Variants in CROCC2 observed in about 807,000 individuals in gnomAD.
The protein encoded by CROCC2 is ciliary rootlet coiled-coil, rootletin family member 2, also known as ciliary rootlet coiled-coil protein 2.
A neutral mutation model predicts 177.6 loss-of-function variants in CROCC2; 163 were observed. The ratio of observed to expected loss-of-function variants is 0.92; its 90% confidence interval spans 0.81 to 1.05. CROCC2 has a LOEUF of 1.05. CROCC2 is among the 50% of genes least tolerant of loss of function. The probability of loss-of-function intolerance (pLI) is 0.00; values close to 1 mark genes in which losing one functional copy is unlikely to be tolerated. For synonymous variants in CROCC2, 904 were observed against 787.3 expected (o/e 1.15, Z -2.48); for missense variants, 1,929 against 1,797.8 (o/e 1.07, Z -1.32).
rs987492278 is a variant in CROCC2 at position 240,917,094 on chromosome 2, C to T, written c.79-1632C>T. On this transcript the variant is annotated intron_variant, in intron 1 of 31. Transcript: ENST00000690015. This position sits in a 1 kb window ranked among gnomAD's most constrained non-coding sequence, Gnocchi z 4.9. ...GCAATGGGGGAACCTGCAGTGAAGG[C>T]GCCTCCCAAGACCTCCCAGGGGACT... 6.6e-6 allele frequency among the ~76,000 whole-genome samples: 1 copy of T among 152,134 alleles called. No individual in the cohort carries two copies. The highest frequency in any genetic ancestry group is 2.4e-5 in the African/African-American group (1 of 41,438).
chr2:240,907,495 G>A (rs1004629714), intron 1 of CROCC2, among the ~76,000 whole-genome samples: 2 of 152,126 alleles, frequency 1.3e-5, no homozygotes, highest in African/African-American at 4.8e-5. Flanking sequence ...CCAGCTCTTA[G>A]CATCTCAAAA....
At chr2:240,951,907 A>C (rs1375023828) in intron 18 of CROCC2, among the ~76,000 whole-genome samples, 1 of 152,222 alleles carries the variant, frequency 6.6e-6, no homozygotes, top group Non-Finnish European at 1.5e-5. Context: ...GTTGAGACTC[A>C]GCCACTAGCC....
chr2:240,934,675 G>A (rs112097619), intron 12 of CROCC2, among the ~76,000 whole-genome samples, 200 bp downstream of exon 12: 45 of 152,300 alleles, frequency 3.0e-4, no homozygotes, highest in African/African-American at 1.1e-3. Flanking sequence ...AACCCTGCTG[G>A]CCACGCCTGC....
chr2:240,931,236 G>T (rs73006046), intron 7 of CROCC2, 108 bp downstream of exon 7: 9 of 607,026 alleles, frequency 1.5e-5, no homozygotes, highest in Non-Finnish European at 2.4e-5. Flanking sequence ...CCGTTCCAGG[G>T]CAGGTGGGGC....
intron 29 of CROCC2, 55 bp downstream of exon 29, chr2:240,988,925 T>C: frequency 7.4e-7 from 1 of 1,346,882 alleles, no homozygotes; most frequent in Admixed American, 3.3e-5. Flanking sequence ...AGACCTGGGG[T>C]GGGATCCAGG....
chr2:240,943,769 C>G (rs1419806092), intron 14 of CROCC2, among the ~76,000 whole-genome samples: 3 of 152,194 alleles, frequency 2.0e-5, no homozygotes, highest in African/African-American at 7.2e-5. Context: ...CATTAGCCAC[C>G]AAGCCCGGCC....
intron 4 of CROCC2, among the ~76,000 whole-genome samples, chr2:240,925,455 G>A (rs2059390050): frequency 6.6e-6 from 1 of 152,222 alleles, no homozygotes; most frequent in Non-Finnish European, 1.5e-5. Flanking sequence ...AGAGCCAGGA[G>A]AGCTCGGGGC....
Position 240,963,636 on chromosome 2 carries a change from G to A in CROCC2, c.3168G>A (p.Glu1056=). 6.5e-7 allele frequency: 1 copy of A among 1,549,704 alleles called. No individual in the cohort carries two copies. The change falls in exon 21 of 32, where the codon GAG becomes GAA. Residue 1056 remains glutamate, a synonymous_variant. Transcript: ENST00000690015. ...ALRQELQGVE[E]SREGLHREAQ... ...GCCAGGAGCTGCAGGGCGTCGAGGA[G>A]AGCCGGGAGGGGCTGCACAGGGAGG... is the stretch of plus-strand genomic sequence containing the variant.
chr2:240,921,523 C>A (rs1010868238), intron 3 of CROCC2, among the ~76,000 whole-genome samples: 1 of 152,198 alleles, frequency 6.6e-6, no homozygotes, highest in Non-Finnish European at 1.5e-5. Flanking sequence ...GAAATGCTGC[C>A]GACAGATTAG....
rs549455050 is a variant in CROCC2, at chr2:240,964,183, G to A, written c.3306-283G>A. The A allele has an allele frequency of 4.6e-4, 256 of 554,182 alleles. 1 individual carries two copies. The highest frequency in any genetic ancestry group is 4.5e-3 in the African/African-American group (240 of 53,028). 34.3% of individuals were successfully genotyped at this position (554,182 alleles called of 1,614,324 possible). Reference sequence around the variant, plus strand: ...GCAGAGGTACCAGGCTAGGCTGGATGTTGAGCGTCCGGGAGTGTGACAGAG... The same window carrying A: ...GCAGAGGTACCAGGCTAGGCTGGATATTGAGCGTCCGGGAGTGTGACAGAG... On this transcript the variant is annotated intron_variant, in intron 21 of 31. Coordinates refer to ENST00000690015, the MANE Select transcript of CROCC2 (RefSeq NM_001351305.2).
intron 1 of CROCC2, among the ~76,000 whole-genome samples, chr2:240,907,377 C>A (rs559094792): frequency 6.6e-6 from 1 of 152,072 alleles, no homozygotes; most frequent in Non-Finnish European, 1.5e-5. Context: ...CCCTGCACTG[C>A]CGTCACCTGC....
chr2:240,922,559 C>CACT lies in CROCC2; in HGVS notation c.404_405insTAC (p.Thr135dup), dbSNP rs1360871506. 4.2e-5 allele frequency: 29 copies of CACT among 695,132 alleles called. No individual in the cohort carries two copies. The highest frequency in any genetic ancestry group is 7.5e-5 in the Non-Finnish European group (28 of 371,516). The allele number at this position is 695,132 out of a possible 1,614,324, so 43.1% of individuals were successfully genotyped here. A position where few individuals can be genotyped will look rare whatever the true frequency, so the allele number is the denominator to read the frequency against. On this transcript the variant is annotated inframe_insertion, in exon 4 of 32. Coordinates refer to ENST00000690015, the MANE Select transcript of CROCC2 (RefSeq NM_001351305.2). ...CCCAGCTGCAGGCCCGGCTGGAGACCACCGAGGCTCAGCTGCGGAGGTCAG... is the reference window on the plus strand; with the variant it reads ...CCCAGCTGCAGGCCCGGCTGGAGACCACTACCGAGGCTCAGCTGCGGAGGTCAG...
At chr2:240,983,565 C>T in intron 28 of CROCC2, 1 of 1,277,452 alleles carries the variant, frequency 7.8e-7, no homozygotes, top group Non-Finnish European at 1.0e-6. Flanking sequence ...GCGCTGCGCG[C>T]TCAGCTCGCA....
At chr2:240,924,958 A>G (rs1370173135) in intron 4 of CROCC2, among the ~76,000 whole-genome samples, 2 of 18,702 alleles carry the variant, frequency 1.1e-4, no homozygotes, top group Non-Finnish European at 1.0e-4. Flanking sequence ...CCCCCACACT[A>G]ACCCGGCCCC....
rs528522022 is a variant in CROCC2, at chr2:240,969,595, T to G, written c.4401+1333T>G. Among the ~76,000 whole-genome samples the G allele has an allele frequency of 2.4e-4, 36 of 152,346 alleles. No individual in the cohort carries two copies. In the East Asian group the frequency reaches 6.6e-3, roughly 28 times the overall value. On this transcript the variant is annotated intron_variant, in intron 27 of 31. Coordinates refer to ENST00000690015, the MANE Select transcript of CROCC2 (RefSeq NM_001351305.2). Reference sequence around the variant, plus strand: ...GAGATGCCCAGGAGATGGGGGCACCTGAGAAGTCAGGGGACCTGGAGCGGG... The same window carrying G: ...GAGATGCCCAGGAGATGGGGGCACCGGAGAAGTCAGGGGACCTGGAGCGGG...
chr2:240,964,319 G>A, intron 21 of CROCC2, 147 bp from the exon 22 acceptor site: 1 of 967,708 alleles, frequency 1.0e-6, no homozygotes, highest in Non-Finnish European at 1.5e-6. Flanking sequence ...TAAGGTGACA[G>A]GGAACCCTGC....
In CROCC2 at chr2:240,963,652, C is replaced by T. The variant is rs2059657783; in HGVS notation, c.3184C>T (p.His1062Tyr). ...CGTCGAGGAGAGCCGGGAGGGGCTG[C>T]ACAGGGAGGCCCAGGAGGCCCGCCG... ...QGVEESREGL[H>Y]REAQEARRAL... The change falls in exon 21 of 32, where the codon CAC (histidine) becomes TAC (tyrosine). Residue 1062 changes from histidine (H) to tyrosine (Y), a missense_variant. Around this residue, in one of 3 missense-constraint regions of CROCC2, gnomAD observed 1,397 missense variants for 1,239.9 expected, o/e 1.13. Transcript: ENST00000690015. 11 of 1,549,798 alleles carry T rather than the reference C, an allele frequency of 7.1e-6. No individual in the cohort carries two copies. Among genetic ancestry groups the T allele is most frequent in the Non-Finnish European group, 7.8e-6 (9 of 1,146,798 alleles).
At chr2:240,927,865 G>A (rs1241919505) in intron 5 of CROCC2, among the ~76,000 whole-genome samples, 1 of 152,218 alleles carries the variant, frequency 6.6e-6, no homozygotes, top group East Asian at 1.9e-4. Flanking sequence ...TGACCAGGCT[G>A]GTCTCGAACT....
In CROCC2 at chr2:240,987,071, A is replaced by G. The variant is rs561533035; in HGVS notation, c.4552-1668A>G. Among the ~76,000 whole-genome samples, 30 of 152,362 alleles carry G rather than the reference A, an allele frequency of 2.0e-4. No homozygotes were observed. In the South Asian group the frequency reaches 4.1e-3, roughly 21 times the overall value. On this transcript the variant is annotated intron_variant, in intron 28 of 31. Transcript: ENST00000690015. Reference sequence around the variant, plus strand: ...AGAGTAGGGCCAGCCAATGGGGTCCAGTCACCAGCCCCTGCTGCTATTACT... The same window carrying G: ...AGAGTAGGGCCAGCCAATGGGGTCCGGTCACCAGCCCCTGCTGCTATTACT...
Sources: gnomAD v4.1 joint callset for allele counts (sites outside exome capture counted in the v4.1 genomes callset) on GRCh38, gnomAD v4.1.1 for gene constraint, gnomAD v4.1.1 regional missense constraint, Gnocchi (gnomAD v3.1) non-coding constraint, MANE v1.5 for transcripts, NCBI Gene and HGNC (gene_info 2026-07-23, HGNC 2026-07-21) for gene names.